The following RAB3IP variants were observed in gnomAD, a reference collection of about 807,000 sequenced individuals.
The protein encoded by RAB3IP is RAB3A interacting protein, also known as rab-3A-interacting protein.
In RAB3IP, 36 loss-of-function variants were observed where a neutral mutation model predicts 59.1. That is an observed-to-expected ratio of 0.61 (90% confidence interval 0.47 to 0.80). RAB3IP has a LOEUF of 0.80. RAB3IP is among the 30% of genes least tolerant of loss of function. RAB3IP has a pLI of 0.00. For missense variants in RAB3IP, 511 were observed against 536.0 expected, an observed-to-expected ratio of 0.95 and a Z score of 0.46; for synonymous variants, 207 against 191.2, an observed-to-expected ratio of 1.08 and a Z score of -0.68.
intron 4 of RAB3IP, among the ~76,000 whole-genome samples, chr12:69,791,675 G>A (rs911210653): frequency 2.6e-5 from 4 of 152,160 alleles, no homozygotes; most frequent in Non-Finnish European, 5.9e-5. Flanking sequence ...GTAAATGTTG[G>A]CAAGGATGTG....
intron 3 of RAB3IP, among the ~76,000 whole-genome samples, chr12:69,773,136 A>T (rs928238844): frequency 6.6e-5 from 10 of 152,116 alleles, no homozygotes; most frequent in African/African-American, 2.4e-4. Flanking sequence ...CTGATCTGCA[A>T]GGTTCTTGCT....
At chr12:69,801,249 A>G (rs11177861) in intron 7 of RAB3IP, among the ~76,000 whole-genome samples, 47,297 of 152,118 alleles carry the variant, frequency 0.31, 7,893 homozygotes, top group South Asian at 0.37. Context: ...TAAATGACCA[A>G]TGTTTAAAAA....
intron 3 of RAB3IP, among the ~76,000 whole-genome samples, chr12:69,772,743 G>A (rs913694055): frequency 7.2e-5 from 11 of 151,988 alleles, no homozygotes; most frequent in African/African-American, 2.7e-4. Context: ...TTTGTGTATT[G>A]TCTCTCTCTT....
At chr12:69,748,071 GTT>G (rs35390580) in intron 1 of RAB3IP, among the ~76,000 whole-genome samples, 1,612 of 141,284 alleles carry the variant, frequency 0.011, 21 homozygotes, top group African/African-American at 0.039. Flanking sequence ...CACAGCTTTA[GTT>G]TTTTTTTTTT....
intron 8 of RAB3IP, among the ~76,000 whole-genome samples, chr12:69,810,309 C>CT (rs2136281464): frequency 6.6e-6 from 1 of 152,322 alleles, no homozygotes; most frequent in East Asian, 1.9e-4. Flanking sequence ...TCCGCCCCTA[C>CT]TGGGGGGTGC....
rs1225714326 is a variant in RAB3IP, at chr12:69,822,747, G to A, written c.*7301G>A. 4 of 152,128 alleles carry A rather than the reference G, an allele frequency of 2.6e-5. No individual in the cohort carries two copies. In the South Asian group the frequency reaches 6.2e-4, roughly 24 times the overall value. 9.4% of individuals were successfully genotyped at this position (152,128 alleles called of 1,614,324 possible). ...AATTACCCTGATTTGATCATTATAC[G>A]TTGTATGTTTGTATCAAAATATCAT... On this transcript the variant is annotated 3_prime_UTR_variant, in exon 11 of 11. Coordinates refer to ENST00000247833, the MANE Select transcript of RAB3IP (RefSeq NM_022456.5).
intron 3 of RAB3IP, among the ~76,000 whole-genome samples, chr12:69,771,440 T>C (rs1395077053): frequency 6.6e-6 from 1 of 152,020 alleles, no homozygotes; most frequent in Non-Finnish European, 1.5e-5. Context: ...GGTGGGAGGA[T>C]TGCTTGAGCT....
intron 3 of RAB3IP, among the ~76,000 whole-genome samples, chr12:69,772,319 T>C (rs1024716158): frequency 6.6e-6 from 1 of 152,152 alleles, no homozygotes; most frequent in African/African-American, 2.4e-5. Context: ...GAGTCTCTTG[T>C]AGGCAGGCAG....
intron 3 of RAB3IP, 132 bp from the exon 4 acceptor site, chr12:69,784,588 A>G: frequency 2.6e-6 from 1 of 388,276 alleles, no homozygotes; most frequent in Non-Finnish European, 4.5e-6. Flanking sequence ...TGCTAGATAA[A>G]TACTTTCAAT....
intron 8 of RAB3IP, among the ~76,000 whole-genome samples, chr12:69,809,350 A>G (rs1301951790): frequency 2.0e-5 from 3 of 152,034 alleles, no homozygotes; most frequent in South Asian, 2.1e-4. Flanking sequence ...CTTTATTTCA[A>G]CTTTGGTGAA....
At position 69,800,375 on chromosome 12, in the gene RAB3IP, T is replaced by C. The variant is rs368029104; in HGVS notation, c.1017+38T>C. 7 of 1,305,238 alleles carry C rather than the reference T, an allele frequency of 5.4e-6. No homozygotes were observed. In the African/African-American group the frequency reaches 9.1e-5, roughly 17 times the overall value. 80.9% of individuals were successfully genotyped at this position (1,305,238 alleles called of 1,614,324 possible). A position where few individuals can be genotyped will look rare whatever the true frequency, so the allele number is the denominator to read the frequency against. ...CATTTTAGTAGGAATTCATTATAGT[T>C]GTTTCTGTACTTCTTTTAAACTAAA... On this transcript the variant is annotated intron_variant, in intron 7 of 10. Transcript: ENST00000247833.
At chr12:69,801,551 T>C in intron 7 of RAB3IP, 58 bp from the exon 8 acceptor site, 6 of 1,082,404 alleles carry the variant, frequency 5.5e-6, no homozygotes, top group Non-Finnish European at 6.7e-6. Context: ...TACTGTAGAA[T>C]ACAATTTTGA....
At chr12:69,764,196 G>GT (rs1197555938) in intron 3 of RAB3IP, among the ~76,000 whole-genome samples, 4 of 152,006 alleles carry the variant, frequency 2.6e-5, no homozygotes, top group Non-Finnish European at 4.4e-5. Context: ...TGTTTCCTAG[G>GT]TTTTTTTCTA....
chr12:69,755,900 C>T (rs889910798), intron 2 of RAB3IP, among the ~76,000 whole-genome samples: 2 of 152,122 alleles, frequency 1.3e-5, no homozygotes, highest in Non-Finnish European at 2.9e-5. Context: ...TTCAACTCTG[C>T]CTTTAGAGTT....
Position 69,794,482 on chromosome 12 carries a change from G to A in RAB3IP, c.652G>A (p.Ala218Thr). 2 of 1,613,040 alleles carry A rather than the reference G, an allele frequency of 1.2e-6. No individual in the cohort carries two copies. Among genetic ancestry groups the A allele is most frequent in the Non-Finnish European group, 1.7e-6 (2 of 1,179,504 alleles). Residue 218 changes from alanine (A) to threonine (T), a missense_variant, in exon 5 of 11, where the codon GCA becomes ACA. Ala to Thr is a moderately conservative substitution (Grantham distance 58). Transcript: ENST00000247833. ...AGAAGCAAATATCAAGCAGGCAACA[G>A]CAGAAAAACAGCTAAAAGAAGCACA... ...VREANIKQAT[A>T]EKQLKEAQGK...
intron 1 of RAB3IP, among the ~76,000 whole-genome samples, chr12:69,745,846 T>C (rs1343297309): frequency 1.3e-5 from 2 of 152,220 alleles, no homozygotes; most frequent in Non-Finnish European, 2.9e-5. Flanking sequence ...CTTCTAAGTG[T>C]ATCTCAGATG....
At chr12:69,778,390 C>T (rs1209994816) in intron 3 of RAB3IP, among the ~76,000 whole-genome samples, 1 of 87,922 alleles carries the variant, frequency 1.1e-5, no homozygotes, top group Non-Finnish European at 2.3e-5. Context: ...GTAATTTGAT[C>T]GTCTGAAGCC....
At chr12:69,804,484 A>C (rs1483352198) in intron 8 of RAB3IP, among the ~76,000 whole-genome samples, 1 of 152,132 alleles carries the variant, frequency 6.6e-6, no homozygotes, top group Non-Finnish European at 1.5e-5. Flanking sequence ...TGTTGTGCAG[A>C]AGCTCTTTAG....
intron 1 of RAB3IP, among the ~76,000 whole-genome samples, chr12:69,754,543 A>T (rs1275572802): frequency 1.3e-5 from 2 of 152,202 alleles, no homozygotes; most frequent in African/African-American, 4.8e-5. Context: ...CAGAAAGTTA[A>T]ATATAAATTC....
Sources: allele counts gnomAD v4.1 joint callset (sites outside exome capture counted in the v4.1 genomes callset), GRCh38; gene constraint gnomAD v4.1.1; transcripts MANE v1.5; gene names NCBI Gene and HGNC (gene_info 2026-07-23, HGNC 2026-07-21).